USP4: variants seen among roughly 807,000 people sequenced by gnomAD.
USP4 encodes the protein ubiquitin carboxyl-terminal hydrolase 4.
In USP4, 72 loss-of-function variants were observed where a neutral mutation model predicts 118.2. That is an observed-to-expected ratio of 0.61 (90% confidence interval 0.50 to 0.74). USP4 has a LOEUF of 0.74. Ranked by LOEUF, USP4 falls within the 30% of genes least tolerant of loss-of-function variation. The pLI is 0.00. For missense variants in USP4, 1,037 were observed against 1,185.7 expected (o/e 0.87, Z 1.84); for synonymous variants, 415 against 440.4 (o/e 0.94, Z 0.72).
At chr3:49,290,476 G>A (rs928699150) in intron 15 of USP4, among the ~76,000 whole-genome samples, 2 of 152,178 alleles carry the variant, frequency 1.3e-5, no homozygotes, top group Admixed American at 6.5e-5. Flanking sequence ...GGAGGAATCT[G>A]GACATTTGGT....
In USP4 at chr3:49,311,660, A is replaced by G. The variant is rs769843510; in HGVS notation, c.696-6T>C. On this transcript the variant is annotated splice_polypyrimidine_tract_variant and splice_region_variant and intron_variant, in intron 6 of 21. Transcript: ENST00000265560. ...TGCTAGGCGCAGTGCTTGATCTGGG[A>G]GAGAGAAGCAGAAACAATGCTACTG... 1 of 1,613,048 alleles carries G rather than the reference A, an allele frequency of 6.2e-7. No homozygotes were observed. The highest frequency in any genetic ancestry group is 8.5e-7 in the Non-Finnish European group (1 of 1,179,494).
rs766004652 is a variant in USP4 at position 49,294,569 on chromosome 3, C to A, written c.1721G>T (p.Gly574Val). The change falls in exon 14 of 22, where the codon GGC (glycine) becomes GTC (valine). Residue 574 changes from glycine to valine, a missense_variant. This residue lies in a region of USP4 where 522 missense variants were observed against 592.6 expected (regional missense o/e 0.88). Coordinates refer to ENST00000265560, the MANE Select transcript of USP4 (RefSeq NM_003363.4). ...GACTGGAAGCGTGACACATTCCGAG[C>A]CATCCACGGAAGTGCTGCAGACCTC... The part of the protein sequence containing the change: ...VYEVCSTSVD[G>V]SECVTLPVYF... 4 of 1,614,046 alleles carry A rather than the reference C, an allele frequency of 2.5e-6. No homozygotes were observed. The Admixed American group carries it at 6.7e-5, about 27-fold the overall frequency.
intron 6 of USP4, chr3:49,318,645 A>C: frequency 1.0e-6 from 1 of 984,912 alleles, no homozygotes; most frequent in Non-Finnish European, 1.2e-6. Context: ...GTGGTGGCTC[A>C]CGCCTGTAAT....
rs541331060 is a variant in USP4, at chr3:49,301,525, T to C, written c.1288-834A>G. Among the ~76,000 whole-genome samples, 7 of 151,972 alleles carry C rather than the reference T, an allele frequency of 4.6e-5. No homozygotes were observed. In the East Asian group the frequency reaches 1.4e-3, roughly 30 times the overall value. On this transcript the variant is annotated intron_variant, in intron 10 of 21. Coordinates refer to ENST00000265560, the MANE Select transcript of USP4 (RefSeq NM_003363.4). ...CAACATGGTGAAACCCCCTCTCTAC[T>C]AAAAATACAAAAATTTGCTGGGCAT...
At chr3:49,297,998 T>C (rs2047227038) in intron 12 of USP4, 34 bp from the exon 13 acceptor site, 2 of 1,383,848 alleles carry the variant, frequency 1.4e-6, no homozygotes, top group South Asian at 2.3e-5. Flanking sequence ...GACCACAGAA[T>C]GGCTAAGAGT....
chr3:49,322,795 T>G (rs1575618138), intron 6 of USP4, among the ~76,000 whole-genome samples: 1 of 147,470 alleles, frequency 6.8e-6, no homozygotes. Flanking sequence ...GGAGTGGGGG[T>G]GCAGTGAGCT....
chr3:49,330,732 C>T lies in USP4; in HGVS notation c.230-2916G>A, dbSNP rs187320306. Among the ~76,000 whole-genome samples, 224 of 151,546 alleles carry T rather than the reference C, an allele frequency of 1.5e-3. 1 individual carries two copies. Among genetic ancestry groups the T allele is most frequent in the Admixed American group, 2.4e-3 (36 of 15,198 alleles). On this transcript the variant is annotated intron_variant, in intron 2 of 21. Transcript: ENST00000265560. ...AGGCTGGAGGCTGGAGGCCGGAGGC[C>T]GGGCGCGGTGGCTCCCACCTGTAAT...
At chr3:49,293,858 A>G (rs1222332829) in intron 14 of USP4, among the ~76,000 whole-genome samples, 1 of 152,154 alleles carries the variant, frequency 6.6e-6, no homozygotes, top group African/African-American at 2.4e-5. Context: ...TCAAAGCGCT[A>G]GCCTCCCTAA....
Position 49,284,625 on chromosome 3 carries a change from T to C in USP4, c.2272-41A>G, listed in dbSNP as rs201890199. On this transcript the variant is annotated intron_variant, in intron 17 of 21. Coordinates refer to ENST00000265560, the MANE Select transcript of USP4 (RefSeq NM_003363.4). ...CACTCAGTTCTGCTGGAGAAAGAGATCTTACTGCATTAAGACATGAAGGCC... is the reference window on the plus strand; with the variant it reads ...CACTCAGTTCTGCTGGAGAAAGAGACCTTACTGCATTAAGACATGAAGGCC... The C allele has an allele frequency of 1.3e-5, 21 of 1,567,894 alleles. No individual in the cohort carries two copies. The East Asian group carries it at 4.0e-4, about 30-fold the overall frequency.
At chr3:49,295,261 A>G (rs1050563879) in intron 13 of USP4, among the ~76,000 whole-genome samples, 1 of 134,866 alleles carries the variant, frequency 7.4e-6, no homozygotes, top group Non-Finnish European at 1.5e-5. Flanking sequence ...TGCACTCCAG[A>G]CTGGGCAACA....
chr3:49,326,363 G>A (rs898435571), intron 3 of USP4, among the ~76,000 whole-genome samples: 3 of 151,960 alleles, frequency 2.0e-5, no homozygotes, highest in African/African-American at 7.3e-5. Flanking sequence ...CTAAGACCAA[G>A]AGCATCTTGA....
In USP4 at chr3:49,324,890, C is replaced by CT. The variant is rs1279080045; in HGVS notation, c.633+3dup. On this transcript the variant is annotated splice_donor_region_variant and intron_variant, in intron 5 of 21. Transcript: ENST00000265560. ...CTGCTGGGGAATGGCCAGGGCCCTC[C>CT]TACCTGACCCTGGTATAGCCCAGCA... 1 of 1,614,094 alleles carries CT rather than the reference C, an allele frequency of 6.2e-7. No homozygotes were observed. The highest frequency in any genetic ancestry group is 8.5e-7 in the Non-Finnish European group (1 of 1,179,968).
At chr3:49,322,169 T>G (rs2047509629) in intron 6 of USP4, among the ~76,000 whole-genome samples, 2 of 152,160 alleles carry the variant, frequency 1.3e-5, no homozygotes, top group Admixed American at 1.3e-4. Flanking sequence ...TGACCATGAA[T>G]CCCCAAGGTT....
chr3:49,292,640 T>G (rs1186513209), intron 14 of USP4, 42 bp from the exon 15 acceptor site: 1 of 1,370,804 alleles, frequency 7.3e-7, no homozygotes, highest in African/African-American at 1.5e-5. Context: ...GATTGTTAGT[T>G]GTAACATTTA....
At chr3:49,286,814 C>T (rs1484993279) in intron 15 of USP4, among the ~76,000 whole-genome samples, 2 of 147,358 alleles carry the variant, frequency 1.4e-5, no homozygotes, top group Non-Finnish European at 3.0e-5. Flanking sequence ...TCACTCTAGC[C>T]ACTCTATCTA....
At chr3:49,292,856 C>T (rs535608879) in intron 14 of USP4, among the ~76,000 whole-genome samples, 193 of 152,006 alleles carry the variant, frequency 1.3e-3, no homozygotes, top group Non-Finnish European at 2.0e-3. Flanking sequence ...ATGGTGAAAC[C>T]CCATCTCTAG....
intron 9 of USP4, 36 bp from the exon 10 acceptor site, chr3:49,302,578 C>CA (rs758873984): frequency 1.3e-6 from 2 of 1,593,888 alleles, no homozygotes; most frequent in Non-Finnish European, 1.7e-6. Context: ...AGGCATAATA[C>CA]GTAAAGAACT....
chr3:49,294,686 TATG>T, intron 13 of USP4, 88 bp from the exon 14 acceptor site: 3 of 1,296,226 alleles, frequency 2.3e-6, no homozygotes, highest in South Asian at 1.3e-5. Flanking sequence ...TGGCCAGGGC[TATG>T]ATTACTGGGA....
chr3:49,324,219 G>A (rs972191803), intron 6 of USP4, among the ~76,000 whole-genome samples: 3 of 152,108 alleles, frequency 2.0e-5, no homozygotes, highest in Admixed American at 6.6e-5. Context: ...GGCTGGGCTC[G>A]AACTCCTGGC....
Sources: allele counts gnomAD v4.1 joint callset (sites outside exome capture counted in the v4.1 genomes callset), GRCh38; gene constraint gnomAD v4.1.1; regional missense constraint gnomAD v4.1.1; transcripts MANE v1.5; gene names NCBI Gene and HGNC (gene_info 2026-07-23, HGNC 2026-07-21).